PYGB: variants seen among roughly 807,000 people sequenced by gnomAD.
The protein encoded by PYGB is glycogen phosphorylase, brain form.
A neutral mutation model predicts 94.3 loss-of-function variants in PYGB; 82 were observed. The ratio of observed to expected loss-of-function variants is 0.87; its 90% confidence interval spans 0.73 to 1.04. The LOEUF (loss-of-function observed/expected upper bound fraction) is 1.04. Ranked by LOEUF, PYGB falls within the 50% of genes least tolerant of loss-of-function variation. The probability of loss-of-function intolerance (pLI) is 0.00; values close to 1 mark genes in which losing one functional copy is unlikely to be tolerated. For synonymous variants in PYGB, 488 were observed against 479.1 expected (o/e 1.02, Z -0.24); for missense variants, 1,132 against 1,158.2 (o/e 0.98, Z 0.33).
chr20:25,283,653 C>G (rs942480240), intron 13 of PYGB, among the ~76,000 whole-genome samples: 5 of 152,250 alleles, frequency 3.3e-5, no homozygotes, highest in Admixed American at 2.0e-4. Flanking sequence ...GCTGTCTGCA[C>G]CGGCAGCAGC....
intron 1 of PYGB, among the ~76,000 whole-genome samples, chr20:25,254,420 C>T (rs1295394048): frequency 1.3e-5 from 2 of 152,116 alleles, no homozygotes; most frequent in Non-Finnish European, 2.9e-5. Context: ...AGACATGCAG[C>T]AAATAACCGC....
chr20:25,267,854 C>T (rs1001437220), intron 2 of PYGB, among the ~76,000 whole-genome samples: 6 of 152,238 alleles, frequency 3.9e-5, no homozygotes, highest in African/African-American at 9.6e-5. Flanking sequence ...CTCGAATGCT[C>T]ACAAAATCAA....
At chr20:25,281,964 T>C in intron 11 of PYGB, 69 bp from the exon 12 acceptor site, 1 of 1,365,916 alleles carries the variant, frequency 7.3e-7, no homozygotes, top group East Asian at 2.3e-5. Flanking sequence ...TAAAAGGACT[T>C]TAAGGTCTGT....
rs200732252 is a variant in PYGB, at chr20:25,283,282, G to A, written c.1620+5G>A. 6.2e-7 allele frequency: 1 copy of A among 1,611,420 alleles called. No individual in the cohort carries two copies. On this transcript the variant is annotated splice_donor_5th_base_variant and intron_variant, in intron 13 of 19. Coordinates refer to ENST00000216962, the MANE Select transcript of PYGB (RefSeq NM_002862.4). ...GACGTGGCCAAGGTCAAACAGGTAG[G>A]CATGGCCCTGGCCCCAGCCCCGACC... is the stretch of plus-strand genomic sequence containing the variant.
intron 7 of PYGB, 92 bp from the exon 8 acceptor site, chr20:25,278,227 G>A (rs1301977351): frequency 7.8e-7 from 1 of 1,278,524 alleles, no homozygotes; most frequent in Non-Finnish European, 1.0e-6. Context: ...TCGGCCTTCT[G>A]CCTGCACCTT....
At chr20:25,268,782 C>G (rs1038480874) in intron 2 of PYGB, among the ~76,000 whole-genome samples, 1 of 152,158 alleles carries the variant, frequency 6.6e-6, no homozygotes, top group African/African-American at 2.4e-5. Flanking sequence ...ATTGGAATCA[C>G]CACAGGAAAA....
rs984118867 is a variant in PYGB at position 25,297,777 on chromosome 20, G to A, written c.*1255G>A. The A allele has an allele frequency of 1.3e-5, 2 of 152,252 alleles. No individual in the cohort carries two copies. Among genetic ancestry groups the A allele is most frequent in the Non-Finnish European group, 2.9e-5 (2 of 68,086 alleles). The allele number at this position is 152,252 out of a possible 1,614,324, so 9.4% of individuals were successfully genotyped here. On this transcript the variant is annotated 3_prime_UTR_variant, in exon 20 of 20. Transcript: ENST00000216962. ...CTCCCTGGCCTCCAGTGCCCACCAG[G>A]AGGATCTGCGCACGGTGCACAGCCC...
In PYGB at chr20:25,271,491, G is replaced by A; in HGVS notation, c.528+5G>A. 1 of 1,608,376 alleles carries A rather than the reference G, an allele frequency of 6.2e-7. No homozygotes were observed. The highest frequency in any genetic ancestry group is 8.5e-7 in the Non-Finnish European group (1 of 1,174,690). On this transcript the variant is annotated splice_donor_5th_base_variant and intron_variant, in intron 4 of 19. Transcript: ENST00000216962. Reference sequence around the variant, plus strand: ...AAGATTGTCAATGGCTGGCAGGTGGGTGAGATTTCATTTCTTCACTGGTTT... The same window carrying A: ...AAGATTGTCAATGGCTGGCAGGTGGATGAGATTTCATTTCTTCACTGGTTT...
At chr20:25,256,377 A>C (rs2092902547) in intron 1 of PYGB, among the ~76,000 whole-genome samples, 1 of 151,536 alleles carries the variant, frequency 6.6e-6, no homozygotes, top group Non-Finnish European at 1.5e-5. Flanking sequence ...TGCATGTGAT[A>C]AACTCTGTTA....
intron 14 of PYGB, 84 bp from the exon 15 acceptor site, chr20:25,288,341 G>A (rs1241160771): frequency 6.8e-7 from 1 of 1,463,268 alleles, no homozygotes; most frequent in African/African-American, 1.4e-5. Context: ...CTGCCTCAGG[G>A]TCGGCCTCTG....
rs537191094 is a variant in PYGB at position 25,297,731 on chromosome 20, G to C, written c.*1209G>C. 6.6e-6 allele frequency: 1 copy of C among 152,454 alleles called. No individual in the cohort carries two copies. Among genetic ancestry groups the C allele is most frequent in the African/African-American group, 2.4e-5 (1 of 41,580 alleles). 9.4% of individuals were successfully genotyped at this position (152,454 alleles called of 1,614,324 possible). On this transcript the variant is annotated 3_prime_UTR_variant, in exon 20 of 20. Transcript: ENST00000216962. ...TCTAGCACCTTGCATGCTGGATCTGGGCTGCGGGGAGGCTCTTTTTCTCCC... is the reference window on the plus strand; with the variant it reads ...TCTAGCACCTTGCATGCTGGATCTGCGCTGCGGGGAGGCTCTTTTTCTCCC...
chr20:25,291,267 G>A (rs907264164), intron 16 of PYGB, among the ~76,000 whole-genome samples: 1 of 152,170 alleles, frequency 6.6e-6, no homozygotes, highest in Non-Finnish European at 1.5e-5. Flanking sequence ...CATGTGCCCT[G>A]GAGCCCATCA....
chr20:25,263,479 G>A (rs189216270), intron 2 of PYGB, among the ~76,000 whole-genome samples: 119 of 152,162 alleles, frequency 7.8e-4, no homozygotes, highest in African/African-American at 2.7e-3. Context: ...TAAAAAAATC[G>A]AAGACTCCAG....
At chr20:25,258,304 C>T (rs1326452672) in intron 1 of PYGB, among the ~76,000 whole-genome samples, 2 of 152,202 alleles carry the variant, frequency 1.3e-5, no homozygotes, top group African/African-American at 2.4e-5. Flanking sequence ...AAGTTGCTGC[C>T]GTTTCCTTTC....
At chr20:25,268,578 C>T (rs147124524) in intron 2 of PYGB, among the ~76,000 whole-genome samples, 113 of 152,262 alleles carry the variant, frequency 7.4e-4, no homozygotes, top group Middle Eastern at 3.4e-3. Context: ...AGTTTAAAGT[C>T]TACCAGTCCA....
intron 16 of PYGB, among the ~76,000 whole-genome samples, chr20:25,291,630 C>T (rs539842515): frequency 1.5e-3 from 232 of 152,302 alleles, no homozygotes; most frequent in Admixed American, 2.5e-3. Flanking sequence ...TCGTCCTTCC[C>T]TGCTCCTCTG....
chr20:25,258,272 G>A (rs971493560), intron 1 of PYGB, among the ~76,000 whole-genome samples: 8 of 152,164 alleles, frequency 5.3e-5, no homozygotes, highest in Admixed American at 1.3e-4. Flanking sequence ...GCCGGTCAGC[G>A]TGGTCAGCTA....
intron 4 of PYGB, 77 bp downstream of exon 4, chr20:25,271,563 T>C: frequency 6.7e-7 from 1 of 1,485,800 alleles, no homozygotes; most frequent in Admixed American, 1.7e-5. Flanking sequence ...CAGTTTGTCT[T>C]TTTATACTTC....
chr20:25,251,671 C>T lies in PYGB; in HGVS notation c.243+3250C>T, dbSNP rs12625045. 4.1e-4 allele frequency among the ~76,000 whole-genome samples: 62 copies of T among 152,284 alleles called. No individual in the cohort carries two copies. The East Asian group carries it at 0.011, about 28-fold the overall frequency. On this transcript the variant is annotated intron_variant, in intron 1 of 19. Transcript: ENST00000216962. ...AGTCACGGGATCCCTTCTATAACAT[C>T]CTGAAAGGACAGTTGCACGGTTTAT...
Sources: gnomAD v4.1 joint callset for allele counts (sites outside exome capture counted in the v4.1 genomes callset) on GRCh38, gnomAD v4.1.1 for gene constraint, MANE v1.5 for transcripts, NCBI Gene and HGNC (gene_info 2026-07-23, HGNC 2026-07-21) for gene names.